Variants in TUSC3 observed in about 807,000 individuals in gnomAD.
TUSC3 encodes the protein tumor suppressor candidate 3.
A neutral mutation model predicts 44.8 loss-of-function variants in TUSC3; 45 were observed. That is an observed-to-expected ratio of 1.00 (90% CI 0.79 to 1.29). TUSC3 has a LOEUF of 1.29. Ranked by LOEUF, TUSC3 falls within the 50% of genes most tolerant of loss-of-function variation. TUSC3 has a pLI of 0.00. For missense variants in TUSC3, 519 were observed against 437.9 expected (o/e 1.19, Z -1.65); for synonymous variants, 212 against 152.9 (o/e 1.39, Z -2.85).
intron 1 of TUSC3, among the ~76,000 whole-genome samples, chr8:15,417,519 CACAGATGTCCAGCT>C (rs1219387531): frequency 2.6e-5 from 4 of 152,208 alleles, no homozygotes; most frequent in Non-Finnish European, 5.9e-5. Context: ...CCTGTAAAAC[CACAGATGTCCAGCT>C]AAGAGGTCAT....
chr8:15,560,606 C>G (rs1802424818), intron 1 of TUSC3, among the ~76,000 whole-genome samples: 1 of 132,462 alleles, frequency 7.5e-6, no homozygotes, highest in African/African-American at 2.6e-5. Context: ...TGTTTTCCAA[C>G]TTGGTTCCAT....
chr8:15,793,775 G>A, the TUSC3 span, among the ~76,000 whole-genome samples: 1 of 152,152 alleles, frequency 6.6e-6, no homozygotes, highest in Non-Finnish European at 1.5e-5. Flanking sequence ...GGCACATATA[G>A]GAGCACATAT....
chr8:15,554,623 G>A (rs540325902), intron 1 of TUSC3, among the ~76,000 whole-genome samples: 3 of 91,920 alleles, frequency 3.3e-5, no homozygotes, highest in Non-Finnish European at 6.6e-5. Flanking sequence ...TTTTTTTTGA[G>A]ATGGAGTCTC....
intron 1 of TUSC3, among the ~76,000 whole-genome samples, chr8:15,567,452 T>C (rs942442746): frequency 9.2e-5 from 14 of 152,178 alleles, no homozygotes; most frequent in African/African-American, 2.9e-4. Context: ...TACTTACTTA[T>C]TTAACATTTA....
rs574233797 is a variant in TUSC3, at chr8:15,543,436, G to C, written c.138+2868G>C. 2.6e-4 allele frequency among the ~76,000 whole-genome samples: 40 copies of C among 152,214 alleles called. No homozygotes were observed. The South Asian group carries it at 8.1e-3, about 31-fold the overall frequency. ...GATGGATTTTTAAGTCAGACAGATAGATGGTCAAGTTACAATTCAGCCTCT... is the reference window on the plus strand; with the variant it reads ...GATGGATTTTTAAGTCAGACAGATACATGGTCAAGTTACAATTCAGCCTCT... On this transcript the variant is annotated intron_variant, in intron 1 of 10. Transcript: ENST00000503731.
intron 1 of TUSC3, among the ~76,000 whole-genome samples, chr8:15,451,878 A>T (rs948336643): frequency 2.0e-5 from 3 of 152,136 alleles, no homozygotes; most frequent in African/African-American, 7.2e-5. Flanking sequence ...ATCCCCACAC[A>T]TTTTGGTGAC....
At position 15,746,190 on chromosome 8, in the gene TUSC3, A is replaced by C. The variant is rs566417087; in HGVS notation, c.938-2185A>C. On this transcript the variant is annotated intron_variant, in intron 8 of 10. Coordinates refer to ENST00000503731, the MANE Select transcript of TUSC3 (RefSeq NM_006765.4). The stretch of plus-strand genomic sequence containing the variant: ...TAAGGTAAATAAGAAATTTGTAGTA[A>C]ATTTTTAAATCTTACAATATTTATT... 3.3e-5 allele frequency among the ~76,000 whole-genome samples: 5 copies of C among 152,108 alleles called. No homozygotes were observed. In the South Asian group the frequency reaches 1.0e-3, roughly 32 times the overall value.
intron 1 of TUSC3, among the ~76,000 whole-genome samples, chr8:15,569,264 T>C (rs1336708526): frequency 6.6e-6 from 1 of 152,210 alleles, no homozygotes; most frequent in Non-Finnish European, 1.5e-5. Context: ...TCCATTGCAC[T>C]GTTCTGCGTC....
intron 2 of TUSC3, among the ~76,000 whole-genome samples, chr8:15,648,824 C>G (rs1806755260): frequency 6.8e-6 from 1 of 147,992 alleles, no homozygotes; most frequent in Admixed American, 6.8e-5. Flanking sequence ...TCCTTTAAAC[C>G]CGGTGTTTCT....
At chr8:15,605,018 C>T (rs761964524) in intron 1 of TUSC3, among the ~76,000 whole-genome samples, 1 of 151,758 alleles carries the variant, frequency 6.6e-6, no homozygotes, top group East Asian at 1.9e-4. Context: ...AGTTCTGATA[C>T]TCCAGGCCAT....
At chr8:15,424,878 CAAA>C (rs67073442) in intron 1 of TUSC3, among the ~76,000 whole-genome samples, 1 of 135,236 alleles carries the variant, frequency 7.4e-6, no homozygotes, top group African/African-American at 2.7e-5. Context: ...GACTCTGTCT[CAAA>C]AAAAAAAAAA....
chr8:15,847,622 CTT>C, the TUSC3 span, among the ~76,000 whole-genome samples: 13 of 152,096 alleles, frequency 8.5e-5, no homozygotes, highest in African/African-American at 3.1e-4. Context: ...TTAAAAAGCT[CTT>C]GTTTGGAAAG....
At chr8:15,597,284 T>C (rs1177424831) in intron 1 of TUSC3, among the ~76,000 whole-genome samples, 1 of 152,068 alleles carries the variant, frequency 6.6e-6, no homozygotes, top group Non-Finnish European at 1.5e-5. Context: ...GGCCCTTAGA[T>C]CTTAAGAGAT....
At chr8:15,489,743 A>G (rs530531191) in intron 2 of TUSC3, among the ~76,000 whole-genome samples, 14 of 152,248 alleles carry the variant, frequency 9.2e-5, no homozygotes, top group Non-Finnish European at 2.1e-4. Flanking sequence ...TTCAAAAGGG[A>G]GAAAAGTATA....
At chr8:15,720,026 C>A (rs144499597) in intron 6 of TUSC3, among the ~76,000 whole-genome samples, 1 of 152,132 alleles carries the variant, frequency 6.6e-6, no homozygotes, top group African/African-American at 2.4e-5. Context: ...TTAAGTGATC[C>A]TCCTGCCTCA....
intron 5 of TUSC3, 42 bp from the exon 6 acceptor site, chr8:15,673,705 T>G: frequency 7.0e-7 from 1 of 1,431,704 alleles, no homozygotes; most frequent in Non-Finnish European, 9.9e-7. Context: ...TATTCTGGTA[T>G]TCTCTGGTTT....
intron 7 of TUSC3, among the ~76,000 whole-genome samples, chr8:15,735,227 C>T (rs938212494): frequency 2.0e-5 from 3 of 151,906 alleles, no homozygotes; most frequent in African/African-American, 7.3e-5. Flanking sequence ...ATGGTTCATC[C>T]TCCAGCATGA....
chr8:15,436,161 C>T (rs1032765934), intron 1 of TUSC3, among the ~76,000 whole-genome samples: 3 of 152,128 alleles, frequency 2.0e-5, no homozygotes, highest in Admixed American at 6.5e-5. Context: ...TGCTGGCTTC[C>T]CTCAAAGAGA....
chr8:15,451,613 C>G (rs1800198293), intron 1 of TUSC3, among the ~76,000 whole-genome samples: 1 of 152,156 alleles, frequency 6.6e-6, no homozygotes, highest in South Asian at 2.1e-4. Context: ...TCTCTTCCAT[C>G]TAGTTGTTCC....
Sources: allele counts gnomAD v4.1 joint callset (sites outside exome capture counted in the v4.1 genomes callset), GRCh38; gene constraint gnomAD v4.1.1; transcripts MANE v1.5; gene names NCBI Gene and HGNC (gene_info 2026-07-23, HGNC 2026-07-21).